Variants in MAST4 observed in about 807,000 individuals in gnomAD.
MAST4 encodes the protein microtubule associated serine/threonine kinase family member 4, also known as microtubule-associated serine/threonine-protein kinase 4.
Under a neutral mutation model 162.7 loss-of-function variants are expected in MAST4, and 89 were observed. That is an observed-to-expected ratio of 0.55 (90% CI 0.46 to 0.65). The LOEUF is 0.65. Among genes scored for constraint, MAST4 ranks in the 30% least tolerant of loss-of-function variants. MAST4 has a pLI of 0.00. For missense variants in MAST4, 3,153 were observed against 3,374.0 expected (o/e 0.93, Z 1.62); for synonymous variants, 1,479 against 1,361.1 (o/e 1.09, Z -1.91).
chr5:66,619,413 GA>G (rs1244944467), intron 1 of MAST4, among the ~76,000 whole-genome samples: 1 of 151,884 alleles, frequency 6.6e-6, no homozygotes. Context: ...AATTCATGTT[GA>G]ATATCAATGC....
chr5:67,121,417 T>C (rs1767565843), intron 14 of MAST4, among the ~76,000 whole-genome samples: 1 of 149,248 alleles, frequency 6.7e-6, no homozygotes, highest in Admixed American at 6.7e-5. Flanking sequence ...TGACTCTTGA[T>C]TGAAATATAT....
At chr5:66,959,628 C>T (rs1406636808) in intron 4 of MAST4, among the ~76,000 whole-genome samples, 3 of 151,454 alleles carry the variant, frequency 2.0e-5, no homozygotes, top group South Asian at 2.1e-4. Flanking sequence ...TTTGTTTATC[C>T]CTATGTTGCC....
intron 4 of MAST4, among the ~76,000 whole-genome samples, chr5:66,909,809 A>C (rs183148915): frequency 9.0e-4 from 137 of 152,316 alleles, no homozygotes; most frequent in Non-Finnish European, 1.6e-3. Context: ...TGAATGATGA[A>C]GATAGCTTCC....
chr5:66,772,025 T>C (rs1327789765), intron 2 of MAST4, among the ~76,000 whole-genome samples: 1 of 152,224 alleles, frequency 6.6e-6, no homozygotes, highest in Non-Finnish European at 1.5e-5. Flanking sequence ...AGAGATGAAG[T>C]GGCTTTAGCT....
At chr5:66,723,317 G>A (rs1313945999) in intron 1 of MAST4, among the ~76,000 whole-genome samples, 1 of 152,082 alleles carries the variant, frequency 6.6e-6, no homozygotes, top group African/African-American at 2.4e-5. Context: ...AAACACAGTG[G>A]GATCTATTTT....
intron 1 of MAST4, among the ~76,000 whole-genome samples, chr5:66,737,536 C>T (rs201633074): frequency 2.2e-4 from 34 of 152,170 alleles, no homozygotes; most frequent in African/African-American, 7.5e-4. Context: ...AAGATCACCG[C>T]GCCTGGGCAG....
rs1343819311 is a variant in MAST4 at position 67,164,150 on chromosome 5, C to G, written c.4971C>G (p.Ile1657Met). Residue 1657 changes from isoleucine to methionine, a missense_variant, in exon 29 of 29, where the codon ATC becomes ATG. Around this residue, in one of 7 missense-constraint regions of MAST4, gnomAD observed 1,644 missense variants for 1,495.0 expected, o/e 1.10. Transcript: ENST00000403625. The surrounding 1 kb of genome is among the most constrained non-coding windows in gnomAD (Gnocchi z 5.3). Reference sequence around the variant, plus strand: ...TCTGCCACTCCCTCGACAGGGGCATCTCTGGGAAGGGGGAAGGCACGGAGA... The same window carrying G: ...TCTGCCACTCCCTCGACAGGGGCATGTCTGGGAAGGGGGAAGGCACGGAGA... ...DGLCHSLDRG[I>M]SGKGEGTEKS... 1.9e-6 allele frequency: 3 copies of G among 1,608,160 alleles called. No individual in the cohort carries two copies. The highest frequency in any genetic ancestry group is 4.5e-5 in the East Asian group (2 of 44,666).
At chr5:66,802,178 T>G (rs1298113871) in intron 3 of MAST4, among the ~76,000 whole-genome samples, 1 of 152,238 alleles carries the variant, frequency 6.6e-6, no homozygotes. Flanking sequence ...TTATACATGT[T>G]AGATGATTTG....
intron 25 of MAST4, 55 bp from the exon 26 acceptor site, chr5:67,153,403 G>C: frequency 1.3e-6 from 2 of 1,544,518 alleles, no homozygotes; most frequent in Admixed American, 1.9e-5. Flanking sequence ...AGACACAGTA[G>C]GTGTTAGAGT....
chr5:66,906,373 A>G (rs1763356211), intron 4 of MAST4, among the ~76,000 whole-genome samples: 1 of 152,178 alleles, frequency 6.6e-6, no homozygotes, highest in African/African-American at 2.4e-5. Context: ...TTTGGTTGAC[A>G]TGTTTTTATG....
chr5:66,727,821 C>T (rs1170972089), intron 1 of MAST4, among the ~76,000 whole-genome samples: 1 of 152,036 alleles, frequency 6.6e-6, no homozygotes, highest in Non-Finnish European at 1.5e-5. Context: ...CCACAGGTCC[C>T]TGGTCCAAAA....
At chr5:66,972,548 T>A (rs774951389) in intron 4 of MAST4, among the ~76,000 whole-genome samples, 1 of 146,012 alleles carries the variant, frequency 6.8e-6, no homozygotes, top group South Asian at 2.2e-4. Context: ...ATGTGTAGAT[T>A]TGGGGGCATG....
chr5:67,023,504 C>A (rs945068583), intron 4 of MAST4, among the ~76,000 whole-genome samples: 3 of 152,100 alleles, frequency 2.0e-5, no homozygotes, highest in Non-Finnish European at 4.4e-5. Context: ...TGCTTCAAGA[C>A]CTTAAAGATA....
In MAST4 at chr5:67,069,313, A is replaced by ATATATATAT. The variant is rs1230619144; in HGVS notation, c.763+14821_763+14822insTATATATAT. Among the ~76,000 whole-genome samples the ATATATATAT allele has an allele frequency of 2.0e-3, 131 of 65,316 alleles. 4 individuals carry two copies. The highest frequency in any genetic ancestry group is 4.9e-3 in the African/African-American group (59 of 12,106). The allele number at this position is 65,316 out of a possible 152,430, so 42.8% of individuals were successfully genotyped here. On this transcript the variant is annotated intron_variant, in intron 5 of 28. Transcript: ENST00000403625. ...ATATATATATATATATATATATATA[A>ATATATATAT]AATTTTAAAATATTCCTTCTAAGGC...
At chr5:66,619,813 A>G (rs1561217492) in intron 1 of MAST4, among the ~76,000 whole-genome samples, 2 of 152,164 alleles carry the variant, frequency 1.3e-5, no homozygotes, top group East Asian at 1.9e-4. Flanking sequence ...AAAAATTTAT[A>G]TCAAGGTCAC....
chr5:66,991,115 T>C (rs1021597673), intron 4 of MAST4, among the ~76,000 whole-genome samples: 17 of 152,334 alleles, frequency 1.1e-4, no homozygotes, highest in Middle Eastern at 3.4e-3. Flanking sequence ...TGAAACAGTC[T>C]GCTGATACTT....
At chr5:67,052,359 AT>A (rs1051068401) in intron 4 of MAST4, among the ~76,000 whole-genome samples, 7 of 151,806 alleles carry the variant, frequency 4.6e-5, no homozygotes, top group African/African-American at 1.4e-4. Context: ...TCTTTTTGAT[AT>A]TTTTTTTGAA....
intron 4 of MAST4, chr5:66,917,271 T>C (rs920927467): frequency 2.3e-6 from 1 of 430,854 alleles, no homozygotes; most frequent in African/African-American, 2.0e-5. Flanking sequence ...TTATTTTCAC[T>C]GCCCATTTTT....
intron 4 of MAST4, among the ~76,000 whole-genome samples, chr5:66,944,693 A>G (rs1743775843): frequency 6.6e-6 from 1 of 152,102 alleles, no homozygotes; most frequent in African/African-American, 2.4e-5. Flanking sequence ...TTTATTATAA[A>G]CTTAATGGCT....
Sources: allele counts gnomAD v4.1 joint callset (sites outside exome capture counted in the v4.1 genomes callset), GRCh38; gene constraint gnomAD v4.1.1; regional missense constraint gnomAD v4.1.1; non-coding constraint Gnocchi (gnomAD v3.1); transcripts MANE v1.5; gene names NCBI Gene and HGNC (gene_info 2026-07-23, HGNC 2026-07-21).